Variants in TAX1BP1 observed in about 807,000 individuals in gnomAD.
The protein encoded by TAX1BP1 is tax1-binding protein 1.
Under a neutral mutation model 97.7 loss-of-function variants are expected in TAX1BP1, and 62 were observed. The ratio of observed to expected loss-of-function variants is 0.63; its 90% CI spans 0.52 to 0.78. The LOEUF (loss-of-function observed/expected upper bound fraction) is 0.78. Ranked by LOEUF, TAX1BP1 falls within the 30% of genes least tolerant of loss-of-function variation. TAX1BP1 has a pLI of 0.00. For missense variants in TAX1BP1, 867 were observed against 916.1 expected, an observed-to-expected ratio of 0.95 and a Z score of 0.69; for synonymous variants, 340 against 304.2, an observed-to-expected ratio of 1.12 and a Z score of -1.23.
chr7:27,823,031 G>A (rs1791036190), intron 15 of TAX1BP1, among the ~76,000 whole-genome samples: 1 of 152,116 alleles, frequency 6.6e-6, no homozygotes, highest in South Asian at 2.1e-4. Context: ...ATGGAGCAAA[G>A]TAAAACTTTT....
chr7:27,819,655 G>A (rs7789929), intron 15 of TAX1BP1, among the ~76,000 whole-genome samples: 2,229 of 152,206 alleles, frequency 0.015, 51 homozygotes, highest in African/African-American at 0.051. Flanking sequence ...ATGTGTTTTT[G>A]ACTTGAAGGA....
rs139198587 is a variant in TAX1BP1 at position 27,764,131 on chromosome 7, A to C, written c.266-1703A>C. The stretch of plus-strand genomic sequence containing the variant: ...TACATGACCATGGTACATTTATTTA[A>C]GAAACCAATAGTTTAACAGTGGTAC... On this transcript the variant is annotated intron_variant, in intron 3 of 16. Coordinates refer to ENST00000396319, the MANE Select transcript of TAX1BP1 (RefSeq NM_006024.7). Among the ~76,000 whole-genome samples, 397 of 152,328 alleles carry C rather than the reference A, an allele frequency of 2.6e-3. 1 individual carries two copies. The highest frequency in any genetic ancestry group is 9.1e-3 in the African/African-American group (377 of 41,576).
chr7:27,828,358 A>G (rs1171749012), intron 16 of TAX1BP1, among the ~76,000 whole-genome samples: 1 of 152,186 alleles, frequency 6.6e-6, no homozygotes, highest in Non-Finnish European at 1.5e-5. Flanking sequence ...AATTTCACGT[A>G]ATTGTGATTG....
intron 15 of TAX1BP1, among the ~76,000 whole-genome samples, chr7:27,820,835 A>G (rs960313214): frequency 6.6e-6 from 1 of 152,232 alleles, no homozygotes. Context: ...GCAACAAAGG[A>G]AAAAATAGAT....
chr7:27,811,861 T>C (rs1790573063), intron 13 of TAX1BP1, among the ~76,000 whole-genome samples: 1 of 152,222 alleles, frequency 6.6e-6, no homozygotes, highest in Admixed American at 6.5e-5. Context: ...TAAAGCAGAA[T>C]TTATCCATTC....
intron 15 of TAX1BP1, among the ~76,000 whole-genome samples, chr7:27,827,382 C>A (rs189665272): frequency 2.6e-5 from 4 of 151,478 alleles, no homozygotes; most frequent in Admixed American, 2.6e-4. Flanking sequence ...AAACTGGTCA[C>A]CCAGTCTGCA....
intron 2 of TAX1BP1, among the ~76,000 whole-genome samples, chr7:27,752,964 G>A (rs1302145720): frequency 1.3e-5 from 2 of 152,188 alleles, no homozygotes; most frequent in African/African-American, 4.8e-5. Context: ...ATTTTCTTTA[G>A]TGACAGAATT....
intron 4 of TAX1BP1, among the ~76,000 whole-genome samples, 159 bp downstream of exon 4, chr7:27,766,180 G>C (rs1292637379): frequency 2.6e-5 from 4 of 152,096 alleles, no homozygotes; most frequent in Non-Finnish European, 5.9e-5. Context: ...CGGCACTCTG[G>C]GAGGCCGAGG....
Position 27,818,311 on chromosome 7 carries a change from G to T in TAX1BP1, c.2085+1273G>T, listed in dbSNP as rs116442952. ...GGAGGACTCTTAATATGCACACCTC[G>T]AGTAACTTTATTTTGCAGTCAGAAG... On this transcript the variant is annotated intron_variant, in intron 15 of 16. Transcript: ENST00000396319. Among the ~76,000 whole-genome samples, 553 of 152,110 alleles carry T rather than the reference G, an allele frequency of 3.6e-3. 3 individuals carry two copies. The highest frequency in any genetic ancestry group is 0.012 in the African/African-American group (510 of 41,476).
At chr7:27,811,124 G>A in intron 13 of TAX1BP1, among the ~76,000 whole-genome samples, 1 of 151,926 alleles carries the variant, frequency 6.6e-6, no homozygotes, top group East Asian at 1.9e-4. Context: ...TTCCTAGTAC[G>A]GCACCTGTTA....
At chr7:27,785,049 G>A (rs1687238950) in intron 5 of TAX1BP1, 114 bp from the exon 6 acceptor site, 3 of 1,082,024 alleles carry the variant, frequency 2.8e-6, no homozygotes, top group East Asian at 5.4e-5. Context: ...AATTTGGAGG[G>A]AACAAATGTG....
In TAX1BP1 at chr7:27,799,986, A is replaced by G. The variant is rs766095326; in HGVS notation, c.1660A>G (p.Lys554Glu). 3 of 1,599,086 alleles carry G rather than the reference A, an allele frequency of 1.9e-6. No homozygotes were observed. In the South Asian group the frequency reaches 3.4e-5, roughly 18 times the overall value. ...TTAGGATGAGAAAGCAAAATGCAATAAATATGCTGATGAACTTGCAAAAAT... is the reference window on the plus strand; with the variant it reads ...TTAGGATGAGAAAGCAAAATGCAATGAATATGCTGATGAACTTGCAAAAAT... ...LLQDEKAKCN[K>E]YADELAKMEL... Residue 554 changes from lysine (K) to glutamate (E), a missense_variant, in exon 13 of 17, where the codon AAA becomes GAA. Physicochemically the swap from Lys to Glu is moderately conservative, Grantham distance 56. Coordinates refer to ENST00000396319, the MANE Select transcript of TAX1BP1 (RefSeq NM_006024.7).
At chr7:27,769,522 T>TA (rs1054009811) in intron 4 of TAX1BP1, among the ~76,000 whole-genome samples, 154 bp from the exon 5 acceptor site, 2 of 151,922 alleles carry the variant, frequency 1.3e-5, no homozygotes, top group South Asian at 2.1e-4. Flanking sequence ...AACTGAAGGC[T>TA]AAAAAAAGGC....
chr7:27,747,389 G>A (rs1562694941), intron 1 of TAX1BP1, among the ~76,000 whole-genome samples: 2 of 152,170 alleles, frequency 1.3e-5, no homozygotes, highest in Non-Finnish European at 2.9e-5. Flanking sequence ...TACTAAGCCA[G>A]TGAGCGTTCA....
At chr7:27,803,153 A>G in intron 13 of TAX1BP1, 2 of 1,548,262 alleles carry the variant, frequency 1.3e-6, no homozygotes, top group Non-Finnish European at 1.7e-6. Context: ...GTCTGATTTC[A>G]CATTTGGAAA....
chr7:27,770,048 T>C (rs183945419), intron 5 of TAX1BP1, among the ~76,000 whole-genome samples: 1 of 152,130 alleles, frequency 6.6e-6, no homozygotes, highest in Admixed American at 6.5e-5. Context: ...TTTAGACTTT[T>C]GGTACCAGGC....
chr7:27,826,357 T>C (rs1443411105), intron 15 of TAX1BP1, among the ~76,000 whole-genome samples: 1 of 152,172 alleles, frequency 6.6e-6, no homozygotes, highest in Non-Finnish European at 1.5e-5. Context: ...GAGGGGAAAA[T>C]TGTCAGAAGG....
At position 27,829,099 on chromosome 7, in the gene TAX1BP1, G is replaced by GT. The variant is rs1782599052; in HGVS notation, c.*271dup. On this transcript the variant is annotated 3_prime_UTR_variant, in exon 17 of 17. Transcript: ENST00000396319. ...TATTTATTCCCTAGTTTGCAGAACT[G>GT]TCTGAATAAAGGATACAAGGATTAT... The GT allele has an allele frequency of 3.1e-6, 1 of 324,010 alleles. No homozygotes were observed. The highest frequency in any genetic ancestry group is 5.2e-5 in the East Asian group (1 of 19,098). 20.1% of individuals were successfully genotyped at this position (324,010 alleles called of 1,614,324 possible).
intron 5 of TAX1BP1, 33 bp from the exon 6 acceptor site, chr7:27,785,130 G>C (rs1789424356): frequency 2.5e-6 from 4 of 1,570,530 alleles, no homozygotes; most frequent in Admixed American, 2.0e-5. Flanking sequence ...ATGTTTCTGT[G>C]TTTTCTCAAA....
Sources: allele counts gnomAD v4.1 joint callset (sites outside exome capture counted in the v4.1 genomes callset), GRCh38; gene constraint gnomAD v4.1.1; transcripts MANE v1.5; gene names NCBI Gene and HGNC (gene_info 2026-07-23, HGNC 2026-07-21).